The following EPHA6 variants were observed in gnomAD, a reference collection of about 807,000 sequenced individuals.
EPHA6 encodes ephrin type-A receptor 6.
EPHA6 carries 50 observed loss-of-function variants against 112.0 expected under a neutral mutation model. The observed-to-expected ratio is 0.45, with a 90% CI of 0.36 to 0.56. The LOEUF (loss-of-function observed/expected upper bound fraction) is 0.56. Ranked by LOEUF, EPHA6 falls within the 20% of genes least tolerant of loss-of-function variation. The pLI, the probability that EPHA6 is intolerant of heterozygous loss-of-function variation, is 0.00. For missense variants in EPHA6, 1,280 were observed against 1,417.4 expected, an observed-to-expected ratio of 0.90 and a Z score of 1.56; for synonymous variants, 529 against 490.7, an observed-to-expected ratio of 1.08 and a Z score of -1.03.
At chr3:97,597,410 A>G (rs1213559131) in intron 12 of EPHA6, among the ~76,000 whole-genome samples, 1 of 152,214 alleles carries the variant, frequency 6.6e-6, no homozygotes, top group African/African-American at 2.4e-5. Context: ...TTCAAAAACT[A>G]TATTTGCGAT....
intron 5 of EPHA6, among the ~76,000 whole-genome samples, chr3:97,325,294 G>T (rs2082364590): frequency 6.6e-6 from 1 of 152,136 alleles, no homozygotes; most frequent in African/African-American, 2.4e-5. Context: ...AGATAGAGGT[G>T]TGAGCAAGTT....
chr3:96,831,787 C>A (rs1252811006), intron 1 of EPHA6, among the ~76,000 whole-genome samples: 1 of 151,992 alleles, frequency 6.6e-6, no homozygotes, highest in African/African-American at 2.4e-5. Flanking sequence ...AAATAAATTA[C>A]TTATAAGATA....
chr3:97,586,685 AG>A (rs2093491629), intron 11 of EPHA6, among the ~76,000 whole-genome samples: 1 of 150,418 alleles, frequency 6.6e-6, no homozygotes, highest in South Asian at 2.1e-4. Context: ...GTCAGTACTT[AG>A]ATAGATGGAT....
intron 5 of EPHA6, among the ~76,000 whole-genome samples, chr3:97,357,646 C>T (rs1688875925): frequency 6.6e-6 from 1 of 152,128 alleles, no homozygotes; most frequent in South Asian, 2.1e-4. Flanking sequence ...TGGGCACTAA[C>T]CCCCCATGCA....
At chr3:97,720,705 G>A (rs1009331963) in intron 15 of EPHA6, among the ~76,000 whole-genome samples, 1 of 152,170 alleles carries the variant, frequency 6.6e-6, no homozygotes, top group East Asian at 1.9e-4. Context: ...TGACCTACAA[G>A]TAAGACAAAA....
chr3:97,651,722 A>G (rs2094108721), intron 14 of EPHA6, among the ~76,000 whole-genome samples: 1 of 152,088 alleles, frequency 6.6e-6, no homozygotes, highest in Non-Finnish European at 1.5e-5. Context: ...GACTATATTG[A>G]TTTACTGAGA....
At chr3:97,463,798 G>A (rs545247531) in intron 7 of EPHA6, among the ~76,000 whole-genome samples, 1 of 152,220 alleles carries the variant, frequency 6.6e-6, no homozygotes, top group East Asian at 1.9e-4. Flanking sequence ...CTATACCTAG[G>A]AAGTAAATGA....
chr3:97,413,641 G>T (rs2087895862), intron 6 of EPHA6, among the ~76,000 whole-genome samples: 2 of 151,954 alleles, frequency 1.3e-5, no homozygotes, highest in Admixed American at 6.6e-5. Context: ...CTCTGTCTGG[G>T]AACTAAAGGA....
In EPHA6 at chr3:97,635,566, G is replaced by A. The variant is rs145667486; in HGVS notation, c.2575-2307G>A. 8.4e-4 allele frequency among the ~76,000 whole-genome samples: 128 copies of A among 152,222 alleles called. 1 individual carries two copies. The East Asian group carries it at 0.023, about 28-fold the overall frequency. Reference sequence around the variant, plus strand: ...AGTCACAAAAGACCACATATTGTATGATTCCATTCAAGAGATATCCAGAAT... The same window carrying A: ...AGTCACAAAAGACCACATATTGTATAATTCCATTCAAGAGATATCCAGAAT... On this transcript the variant is annotated intron_variant, in intron 13 of 17. Transcript: ENST00000389672.
intron 5 of EPHA6, among the ~76,000 whole-genome samples, chr3:97,393,958 T>A (rs1227218074): frequency 6.6e-6 from 1 of 151,842 alleles, no homozygotes; most frequent in Non-Finnish European, 1.5e-5. Flanking sequence ...CCATATTTTT[T>A]ATCTATTCAT....
intron 10 of EPHA6, among the ~76,000 whole-genome samples, chr3:97,523,608 T>C (rs1430788360): frequency 6.6e-6 from 1 of 152,032 alleles, no homozygotes; most frequent in Non-Finnish European, 1.5e-5. Context: ...CTATCCATCG[T>C]TGAAAGTGCA....
intron 2 of EPHA6, among the ~76,000 whole-genome samples, chr3:96,944,569 A>G (rs1470127301): frequency 6.6e-6 from 1 of 152,144 alleles, no homozygotes; most frequent in African/African-American, 2.4e-5. Context: ...TCTAAAACTG[A>G]ACACCTTGGC....
intron 3 of EPHA6, among the ~76,000 whole-genome samples, chr3:97,213,141 C>A (rs1346386808): frequency 6.6e-6 from 1 of 152,150 alleles, no homozygotes; most frequent in Non-Finnish European, 1.5e-5. Context: ...TTCTCTGTCT[C>A]TCCATGTTCT....
Position 97,720,371 on chromosome 3 carries a change from C to T in EPHA6, c.2895C>T (p.Ser965=). The T allele has an allele frequency of 1.9e-6, 3 of 1,606,048 alleles. No individual in the cohort carries two copies. The South Asian group carries it at 3.4e-5, about 18-fold the overall frequency. ...GCATTGTCATGTGGGAGGTCATGTC[C>T]TATGGAGAGAGACCTTATTGGGAAA... is the stretch of plus-strand genomic sequence containing the variant. The part of the protein sequence containing the change: ...SYGIVMWEVM[S]YGERPYWEMS... Residue 965 remains serine, a synonymous_variant, in exon 15 of 18, where the codon TCC becomes TCT. Coordinates refer to ENST00000389672, the MANE Select transcript of EPHA6 (RefSeq NM_001080448.3).
At chr3:97,036,251 A>G (rs1416850100) in intron 3 of EPHA6, among the ~76,000 whole-genome samples, 1 of 152,058 alleles carries the variant, frequency 6.6e-6, no homozygotes, top group African/African-American at 2.4e-5. Context: ...GATTCTTTAA[A>G]TCAGTTTCTG....
At chr3:97,079,900 G>GTT (rs112472814) in intron 3 of EPHA6, among the ~76,000 whole-genome samples, 5 of 137,602 alleles carry the variant, frequency 3.6e-5, no homozygotes, top group Non-Finnish European at 4.8e-5. Context: ...TGATTGTTAG[G>GTT]TTTTTTTTTT....
chr3:97,020,304 C>T (rs551456596), intron 3 of EPHA6, among the ~76,000 whole-genome samples: 22 of 152,190 alleles, frequency 1.4e-4, no homozygotes, highest in South Asian at 4.1e-4. Context: ...TAGATATATG[C>T]GGATTCACTG....
chr3:97,271,496 T>G (rs2079879193), intron 5 of EPHA6, among the ~76,000 whole-genome samples: 1 of 152,164 alleles, frequency 6.6e-6, no homozygotes, highest in African/African-American at 2.4e-5. Flanking sequence ...TAATTATGAT[T>G]ACAGGCACGC....
intron 5 of EPHA6, among the ~76,000 whole-genome samples, chr3:97,321,093 G>A (rs2082099362): frequency 6.6e-6 from 1 of 151,906 alleles, no homozygotes; most frequent in South Asian, 2.1e-4. Flanking sequence ...GGAAATGTCA[G>A]GTTTAAGGGT....
Sources: allele counts gnomAD v4.1 joint callset (sites outside exome capture counted in the v4.1 genomes callset), GRCh38; gene constraint gnomAD v4.1.1; transcripts MANE v1.5; gene names NCBI Gene and HGNC (gene_info 2026-07-23, HGNC 2026-07-21).